Variants in NLRP1 observed in about 807,000 individuals in gnomAD.
The protein encoded by NLRP1 is NLR family pyrin domain containing 1, also known as NACHT, LRR and PYD domains-containing protein 1.
NLRP1 carries 94 observed loss-of-function variants against 136.7 expected under a neutral mutation model. The ratio of observed to expected loss-of-function variants is 0.69; its 90% CI spans 0.58 to 0.82. NLRP1 has a LOEUF of 0.82. Among genes scored for constraint, NLRP1 ranks in the 40% least tolerant of loss-of-function variants. The pLI is 0.00. For missense variants in NLRP1, 1,575 were observed against 1,802.7 expected (o/e 0.87, Z 2.29); for synonymous variants, 690 against 725.1 (o/e 0.95, Z 0.78).
At chr17:5,572,893 G>A (rs149161432) in intron 3 of NLRP1, among the ~76,000 whole-genome samples, 2,388 of 152,314 alleles carry the variant, frequency 0.016, 57 homozygotes, top group African/African-American at 0.055. Context: ...AGGGTGAGCA[G>A]CGCAGAAGAC....
In NLRP1 at chr17:5,539,421, C is replaced by G. The variant is rs147319843; in HGVS notation, c.2864G>C (p.Arg955Pro). ...GGGACCCACAGGGCCTTACCCCAGG[C>G]GTATGAGTTTGCAGGCAGGATGCCT... ...GLRHPACKLI[R>P]LGLDQTTLSD... The change falls in exon 7 of 17, where the codon CGC becomes CCC. Residue 955 changes from arginine (R) to proline (P), a missense_variant. Physicochemically the swap from Arg to Pro is moderately radical, Grantham distance 103 (BLOSUM62 -2). Transcript: ENST00000572272. 6.2e-7 allele frequency: 1 copy of G among 1,611,836 alleles called. No homozygotes were observed.
rs1447791785 is a variant in NLRP1 at position 5,532,911 on chromosome 17, A to T, written c.3207T>A (p.His1069Gln). ...CATCGTCAGTCCCCAAAGGCTTCGT[A>T]TGCAGGTCCCCTTGAGAGGCAGGAG... is the stretch of plus-strand genomic sequence containing the variant. ...VPSPASQGDL[H>Q]TKPLGTDDDF... Residue 1069 changes from histidine (H) to glutamine (Q), a missense_variant, in exon 11 of 17, where the codon CAT becomes CAA. Coordinates refer to ENST00000572272, the MANE Select transcript of NLRP1 (RefSeq NM_033004.4). 1 of 1,614,074 alleles carries T rather than the reference A, an allele frequency of 6.2e-7. No individual in the cohort carries two copies. Among genetic ancestry groups the T allele is most frequent in the African/African-American group, 1.3e-5 (1 of 75,062 alleles).
At chr17:5,536,830 G>C (rs1659243418) in intron 8 of NLRP1, 21 bp downstream of exon 8, 1 of 1,573,420 alleles carries the variant, frequency 6.4e-7, no homozygotes, top group Non-Finnish European at 8.7e-7. Context: ...CAGCCAGAGG[G>C]AGTTCTGGGT....
At chr17:5,556,837 T>G (rs1044306133) in intron 4 of NLRP1, among the ~76,000 whole-genome samples, 5 of 152,130 alleles carry the variant, frequency 3.3e-5, no homozygotes, top group Non-Finnish European at 7.4e-5. Flanking sequence ...TTGACCAGGC[T>G]GGTCTCGAAC....
Position 5,583,967 on chromosome 17 carries a change from G to A in NLRP1, c.-10C>T, listed in dbSNP as rs199612823. Reference sequence around the variant, plus strand: ...AGGCTCCGCCAGCCATCTCTGTCCCGGAGTTAAGAGGGTGTCTGGGGGATG... The same window carrying A: ...AGGCTCCGCCAGCCATCTCTGTCCCAGAGTTAAGAGGGTGTCTGGGGGATG... On this transcript the variant is annotated 5_prime_UTR_variant, in exon 1 of 17. Transcript: ENST00000572272. This position sits in a 1 kb window ranked among gnomAD's most constrained non-coding sequence, Gnocchi z 4.5. The A allele has an allele frequency of 9.3e-6, 15 of 1,605,390 alleles. No individual in the cohort carries two copies. Among genetic ancestry groups the A allele is most frequent in the Middle Eastern group, 1.7e-4 (1 of 6,014 alleles).
At chr17:5,530,822 G>A (rs1365757485) in intron 11 of NLRP1, 118 bp from the exon 12 acceptor site, 20 of 702,118 alleles carry the variant, frequency 2.8e-5, no homozygotes, top group South Asian at 5.1e-5. Context: ...CCCAGACTTC[G>A]GAATCAGATG....
At chr17:5,521,437 T>G in intron 13 of NLRP1, 87 bp downstream of exon 13, 1 of 1,403,338 alleles carries the variant, frequency 7.1e-7, no homozygotes. Flanking sequence ...TTGGTCCCAG[T>G]TGAAGACCCT....
At chr17:5,521,132 C>T (rs1908849171) in intron 13 of NLRP1, 120 bp from the exon 14 acceptor site, 10 of 977,430 alleles carry the variant, frequency 1.0e-5, no homozygotes, top group African/African-American at 9.7e-5. Flanking sequence ...TCACCCCTGC[C>T]TCCCTCCCCC....
intron 5 of NLRP1, among the ~76,000 whole-genome samples, chr17:5,542,330 G>A (rs1911976697): frequency 6.6e-6 from 1 of 152,066 alleles, no homozygotes; most frequent in Non-Finnish European, 1.5e-5. Flanking sequence ...CATCATCTCT[G>A]TCCTCATCTC....
intron 14 of NLRP1, among the ~76,000 whole-genome samples, chr17:5,519,497 G>T (rs1175033300): frequency 6.8e-6 from 1 of 147,898 alleles, no homozygotes; most frequent in Non-Finnish European, 1.5e-5. Context: ...CCACACTGGA[G>T]TGCAGGGGGG....
chr17:5,540,081 T>C (rs1270741792), intron 6 of NLRP1, among the ~76,000 whole-genome samples: 2 of 152,156 alleles, frequency 1.3e-5, no homozygotes, highest in East Asian at 3.9e-4. Context: ...CTACAGATAA[T>C]ATGCTGGGTC....
Position 5,514,628 on chromosome 17 carries a change from A to C in NLRP1, c.*126T>G. ...CATAATGCCCAGCAAAGGCATCATC[A>C]AAGTTCCATTACTTTAGTGCTGGAA... On this transcript the variant is annotated 3_prime_UTR_variant, in exon 17 of 17. Coordinates refer to ENST00000572272, the MANE Select transcript of NLRP1 (RefSeq NM_033004.4). 6.7e-7 allele frequency: 1 copy of C among 1,489,642 alleles called. No individual in the cohort carries two copies. The highest frequency in any genetic ancestry group is 8.9e-7 in the Non-Finnish European group (1 of 1,118,072). The allele number at this position is 1,489,642 out of a possible 1,614,324, so 92.3% of individuals were successfully genotyped here.
chr17:5,556,362 G>A (rs1342282761), intron 4 of NLRP1, among the ~76,000 whole-genome samples: 1 of 151,728 alleles, frequency 6.6e-6, no homozygotes, highest in Non-Finnish European at 1.5e-5. Flanking sequence ...GCTGAGGTAA[G>A]AGGATCCCTT....
chr17:5,508,778 G>A (rs555257657), intron 15 of NLRP1, among the ~76,000 whole-genome samples: 1 of 152,328 alleles, frequency 6.6e-6, no homozygotes, highest in African/African-American at 2.4e-5. Flanking sequence ...CATGTACTAG[G>A]ATGATAACAA....
chr17:5,579,532 C>G (rs1478937130), intron 3 of NLRP1, among the ~76,000 whole-genome samples: 3 of 152,166 alleles, frequency 2.0e-5, no homozygotes, highest in African/African-American at 7.2e-5. Flanking sequence ...AGGAATTTCG[C>G]GATTTGCCAA....
At chr17:5,516,054 C>A in intron 15 of NLRP1, among the ~76,000 whole-genome samples, 1 of 143,594 alleles carries the variant, frequency 7.0e-6, no homozygotes, top group Non-Finnish European at 1.6e-5. Context: ...CAGACAACGA[C>A]AAAAATGAAG....
chr17:5,552,883 C>G (rs1913550198), intron 5 of NLRP1, among the ~76,000 whole-genome samples: 1 of 152,310 alleles, frequency 6.6e-6, no homozygotes, highest in Non-Finnish European at 1.5e-5. Context: ...CATGTTGCAG[C>G]CAGTTTCTAT....
At chr17:5,522,104 C>T (rs62072729) in intron 12 of NLRP1, among the ~76,000 whole-genome samples, 16,544 of 152,252 alleles carry the variant, frequency 0.11, 956 homozygotes, top group Middle Eastern at 0.13. Flanking sequence ...GGATTACAGG[C>T]GTGAGCCGCT....
intron 3 of NLRP1, among the ~76,000 whole-genome samples, chr17:5,577,338 T>C (rs188176184): frequency 1.6e-3 from 245 of 152,292 alleles, no homozygotes; most frequent in Middle Eastern, 3.4e-3. Flanking sequence ...TGTTTGCAGA[T>C]GACATGACTG....
Sources: gnomAD v4.1 joint callset for allele counts (sites outside exome capture counted in the v4.1 genomes callset) on GRCh38, gnomAD v4.1.1 for gene constraint, Gnocchi (gnomAD v3.1) non-coding constraint, MANE v1.5 for transcripts, NCBI Gene and HGNC (gene_info 2026-07-23, HGNC 2026-07-21) for gene names.